ARHGAP10: variants seen among roughly 807,000 people sequenced by gnomAD.
ARHGAP10 encodes the protein Rho GTPase activating protein 10, also known as rho GTPase-activating protein 10.
A neutral mutation model predicts 108.6 loss-of-function variants in ARHGAP10; 87 were observed. The observed-to-expected ratio is 0.80, with a 90% CI of 0.67 to 0.96. The LOEUF (loss-of-function observed/expected upper bound fraction) is 0.96. ARHGAP10 is among the 40% of genes least tolerant of loss of function. The probability of loss-of-function intolerance (pLI) is 0.00; values close to 1 mark genes in which losing one functional copy is unlikely to be tolerated. For missense variants in ARHGAP10, 939 were observed against 954.5 expected (o/e 0.98, Z 0.21); for synonymous variants, 347 against 341.1 (o/e 1.02, Z -0.19).
At chr4:147,852,974 T>C (rs1560790866) in intron 4 of ARHGAP10, among the ~76,000 whole-genome samples, 1 of 152,156 alleles carries the variant, frequency 6.6e-6, no homozygotes, top group South Asian at 2.1e-4. Flanking sequence ...AACTTCTCAA[T>C]ACCACAACAC....
In ARHGAP10 at chr4:147,966,751, T is replaced by A. The variant is rs772444868; in HGVS notation, c.1628T>A (p.Met543Lys). The change falls in exon 18 of 23, where the codon ATG becomes AAG. Residue 543 changes from methionine to lysine, a missense_variant. Coordinates refer to ENST00000336498, the MANE Select transcript of ARHGAP10 (RefSeq NM_024605.4). ...GGAGTGGTGTTTGGACCAACTCTGA[T>A]GAGGCCACAGGAAGAAACTGTCGCT... is the stretch of plus-strand genomic sequence containing the variant. ...NLGVVFGPTLMRPQEETVAAL... is the reference protein window; with the variant it reads ...NLGVVFGPTLKRPQEETVAAL... 1 of 1,608,202 alleles carries A rather than the reference T, an allele frequency of 6.2e-7. No homozygotes were observed. Among genetic ancestry groups the A allele is most frequent in the African/African-American group, 1.3e-5 (1 of 74,892 alleles).
intron 22 of ARHGAP10, among the ~76,000 whole-genome samples, chr4:148,068,150 G>A (rs951763612): frequency 2.6e-5 from 4 of 152,174 alleles, no homozygotes; most frequent in Admixed American, 6.5e-5. Context: ...AGTCAGGTGC[G>A]CTCCAGTTAG....
At chr4:148,023,557 G>T in intron 19 of ARHGAP10, 144 bp downstream of exon 19, 1 of 999,122 alleles carries the variant, frequency 1.0e-6, no homozygotes, top group Non-Finnish European at 1.3e-6. Flanking sequence ...TTACAGGGAG[G>T]GTGAAGCTTT....
rs11410393 is a variant in ARHGAP10, at chr4:147,857,534, GT to G, written c.385-9del. 1.3e-4 allele frequency: 152 copies of G among 1,158,852 alleles called. No individual in the cohort carries two copies. The highest frequency in any genetic ancestry group is 4.8e-4 in the South Asian group (26 of 54,350). 71.8% of individuals were successfully genotyped at this position (1,158,852 alleles called of 1,614,324 possible). ...ATCCTTTTGTTTCTGTTTAATCATA[GT>G]TTTTTTTTTATTTGTAGGAAGAAAA... On this transcript the variant is annotated intron_variant, in intron 4 of 22. Coordinates refer to ENST00000336498, the MANE Select transcript of ARHGAP10 (RefSeq NM_024605.4).
chr4:147,828,380 G>A (rs907994514), intron 3 of ARHGAP10, among the ~76,000 whole-genome samples: 3 of 152,172 alleles, frequency 2.0e-5, no homozygotes, highest in African/African-American at 7.2e-5. Context: ...AGTTATATAA[G>A]TTCATACGCC....
chr4:147,803,787 T>G (rs181383182), intron 1 of ARHGAP10, among the ~76,000 whole-genome samples: 2 of 152,216 alleles, frequency 1.3e-5, no homozygotes, highest in Admixed American at 1.3e-4. Flanking sequence ...GGCTGAATAG[T>G]ATTCCATTAT....
chr4:147,872,657 A>T (rs574851681), intron 7 of ARHGAP10, among the ~76,000 whole-genome samples: 20 of 152,336 alleles, frequency 1.3e-4, no homozygotes, highest in African/African-American at 4.1e-4. Context: ...TGTGTGTTCT[A>T]TGTATGATAT....
chr4:148,071,641 A>AC (rs548319948), intron 22 of ARHGAP10, among the ~76,000 whole-genome samples: 45 of 141,588 alleles, frequency 3.2e-4, no homozygotes, highest in South Asian at 1.3e-3. Context: ...AAACAAACAA[A>AC]AAAAAACACA....
At chr4:147,846,730 C>T (rs1733648961) in intron 3 of ARHGAP10, among the ~76,000 whole-genome samples, 2 of 152,176 alleles carry the variant, frequency 1.3e-5, no homozygotes, top group African/African-American at 4.8e-5. Context: ...CAAGTAGCTA[C>T]AGTCCTAGTT....
chr4:147,745,909 C>G (rs10002113), intron 1 of ARHGAP10, among the ~76,000 whole-genome samples: 48 of 151,756 alleles, frequency 3.2e-4, no homozygotes, highest in Admixed American at 6.6e-4. Context: ...GCCTCAGCCT[C>G]CTGAGTAGCT....
chr4:147,800,518 G>A (rs1392313805), intron 1 of ARHGAP10, among the ~76,000 whole-genome samples: 4 of 152,220 alleles, frequency 2.6e-5, no homozygotes, highest in Middle Eastern at 3.4e-3. Context: ...AGGGGGACTC[G>A]TGTTTGATCT....
intron 11 of ARHGAP10, among the ~76,000 whole-genome samples, 171 bp from the exon 12 acceptor site, chr4:147,909,561 A>G (rs1466615165): frequency 6.6e-6 from 1 of 152,216 alleles, no homozygotes; most frequent in African/African-American, 2.4e-5. Flanking sequence ...CCAAGAGTTT[A>G]GATGCTCTGT....
At chr4:147,798,609 G>T (rs1043621824) in intron 1 of ARHGAP10, among the ~76,000 whole-genome samples, 2 of 151,444 alleles carry the variant, frequency 1.3e-5, no homozygotes, top group Admixed American at 1.3e-4. Context: ...ATGAAACCCC[G>T]TCTCTACTAA....
chr4:147,940,636 G>T (rs1028729012), intron 14 of ARHGAP10, among the ~76,000 whole-genome samples: 1 of 152,092 alleles, frequency 6.6e-6, no homozygotes, highest in Admixed American at 6.5e-5. Context: ...TTATGATCTT[G>T]CTACATATTA....
intron 20 of ARHGAP10, among the ~76,000 whole-genome samples, chr4:148,058,824 A>G (rs1729475930): frequency 6.6e-6 from 1 of 152,214 alleles, no homozygotes; most frequent in Non-Finnish European, 1.5e-5. Context: ...TGAAAGCTAC[A>G]AGGTCTTTCC....
At chr4:147,990,141 G>A (rs1017999976) in intron 18 of ARHGAP10, among the ~76,000 whole-genome samples, 1 of 152,200 alleles carries the variant, frequency 6.6e-6, no homozygotes, top group Non-Finnish European at 1.5e-5. Flanking sequence ...CCGTCCTTCA[G>A]GTCAGGTCTT....
intron 1 of ARHGAP10, among the ~76,000 whole-genome samples, chr4:147,747,894 A>AC (rs1175018585): frequency 2.0e-5 from 3 of 152,100 alleles, no homozygotes; most frequent in Non-Finnish European, 4.4e-5. Flanking sequence ...TTTTCCCTAG[A>AC]CCAGTGGTTC....
chr4:147,786,286 T>C (rs1730886373), intron 1 of ARHGAP10, among the ~76,000 whole-genome samples: 1 of 152,120 alleles, frequency 6.6e-6, no homozygotes, highest in South Asian at 2.1e-4. Context: ...ACAGATCAAA[T>C]TGTGTCTCTA....
intron 10 of ARHGAP10, among the ~76,000 whole-genome samples, chr4:147,889,388 C>T (rs1216310424): frequency 2.6e-5 from 4 of 152,336 alleles, no homozygotes; most frequent in African/African-American, 7.2e-5. Flanking sequence ...CAACCTCTGC[C>T]TCCCAGGTTT....
Sources: gnomAD v4.1 joint callset for allele counts (sites outside exome capture counted in the v4.1 genomes callset) on GRCh38, gnomAD v4.1.1 for gene constraint, MANE v1.5 for transcripts, NCBI Gene and HGNC (gene_info 2026-07-23, HGNC 2026-07-21) for gene names.